The following DDHD1 variants were observed in gnomAD, a reference collection of about 807,000 sequenced individuals.
DDHD1 encodes DDHD domain containing 1.
DDHD1 carries 49 observed loss-of-function variants against 96.4 expected under a neutral mutation model. That is an observed-to-expected ratio of 0.51 (90% CI 0.40 to 0.64). The LOEUF (loss-of-function observed/expected upper bound fraction) is 0.64, where lower values mean the gene tolerates loss of function less well. Ranked by LOEUF, DDHD1 falls within the 30% of genes least tolerant of loss-of-function variation. The pLI is 0.00. For synonymous variants in DDHD1, 442 were observed against 446.5 expected (o/e 0.99, Z 0.13); for missense variants, 1,106 against 1,161.2 (o/e 0.95, Z 0.69).
At chr14:53,071,556 T>A (rs977164996) in intron 6 of DDHD1, among the ~76,000 whole-genome samples, 11 of 152,090 alleles carry the variant, frequency 7.2e-5, no homozygotes, top group Non-Finnish European at 1.6e-4. Flanking sequence ...GTAGACCATA[T>A]TCTTAGTTCA....
At chr14:53,130,261 G>A (rs937307277) in intron 1 of DDHD1, among the ~76,000 whole-genome samples, 1 of 152,144 alleles carries the variant, frequency 6.6e-6, no homozygotes, top group African/African-American at 2.4e-5. Context: ...TCTCAAAGAA[G>A]TGGCTGGTGC....
At chr14:53,079,887 AC>A (rs1325303033) in intron 4 of DDHD1, among the ~76,000 whole-genome samples, 1 of 152,132 alleles carries the variant, frequency 6.6e-6, no homozygotes, top group African/African-American at 2.4e-5. Context: ...TTGGGATAGT[AC>A]CTGGAAGTAG....
At chr14:53,047,119 C>T (rs1882080744) in intron 12 of DDHD1, among the ~76,000 whole-genome samples, 170 bp from the exon 13 acceptor site, 2 of 152,004 alleles carry the variant, frequency 1.3e-5, no homozygotes, top group South Asian at 4.1e-4. Context: ...AAAAGAGCCT[C>T]AGTAGTACAG....
intron 1 of DDHD1, among the ~76,000 whole-genome samples, chr14:53,116,033 T>G (rs1437224740): frequency 1.3e-5 from 2 of 152,076 alleles, no homozygotes; most frequent in Non-Finnish European, 2.9e-5. Context: ...GGAGGAACAT[T>G]TACCAAGCAA....
intron 1 of DDHD1, among the ~76,000 whole-genome samples, chr14:53,110,713 A>C (rs576052222): frequency 6.6e-6 from 1 of 152,234 alleles, no homozygotes; most frequent in East Asian, 1.9e-4. Flanking sequence ...TGGTGGCTCA[A>C]ACCTGTAATC....
intron 9 of DDHD1, among the ~76,000 whole-genome samples, chr14:53,057,283 GTTTAATA>G (rs1273000589): frequency 6.6e-6 from 1 of 152,030 alleles, no homozygotes; most frequent in Non-Finnish European, 1.5e-5. Context: ...ATTTAAAATA[GTTTAATA>G]TTTAGTTAAA....
chr14:53,114,831 G>T (rs546660919), intron 1 of DDHD1, among the ~76,000 whole-genome samples: 3 of 152,070 alleles, frequency 2.0e-5, no homozygotes, highest in Non-Finnish European at 4.4e-5. Flanking sequence ...CCAAATTATC[G>T]CAACTCCTCT....
Position 53,051,846 on chromosome 14 carries a change from AG to A in DDHD1, c.2518del (p.Leu840SerfsTer42). The A allele has an allele frequency of 6.3e-7, 1 of 1,590,996 alleles. No homozygotes were observed. The highest frequency in any genetic ancestry group is 8.6e-7 in the Non-Finnish European group (1 of 1,166,172). ...GCTATTCCTGACATATACCATACCG[AG>A]GGCATTATCTTTATTCTGCATTACA... The part of the protein sequence containing the change: ...ENVMQNKDNA[L>X]VELDHRIDFE... On this transcript the variant is annotated frameshift_variant, in exon 12 of 13. Transcript: ENST00000673822. LOFTEE classifies it high-confidence loss of function.
chr14:53,076,118 C>T (rs903889930), intron 4 of DDHD1, among the ~76,000 whole-genome samples: 3 of 152,090 alleles, frequency 2.0e-5, no homozygotes, highest in Non-Finnish European at 4.4e-5. Context: ...ATTTAAGAAA[C>T]AAATTTTATA....
chr14:53,128,639 G>C (rs1232993799), intron 1 of DDHD1, among the ~76,000 whole-genome samples: 1 of 152,220 alleles, frequency 6.6e-6, no homozygotes, highest in Non-Finnish European at 1.5e-5. Context: ...AAGTGCAACA[G>C]CTGGTTCAGT....
intron 4 of DDHD1, among the ~76,000 whole-genome samples, chr14:53,082,534 G>A (rs1885573673): frequency 6.6e-6 from 1 of 150,862 alleles, no homozygotes; most frequent in Admixed American, 6.6e-5. Context: ...TGAGGTGGGT[G>A]GATCACCTGA....
chr14:53,152,770 C>T lies in DDHD1; in HGVS notation c.329G>A (p.Gly110Asp). Residue 110 changes from glycine to aspartate, a missense_variant, in exon 1 of 13, where the codon GGC (glycine) becomes GAC (aspartate). Coordinates refer to ENST00000673822, the MANE Select transcript of DDHD1 (RefSeq NM_001160148.2). Reference protein sequence around the residue: ...LRYYSEGESGGGGSSLSLHPP... With the variant: ...LRYYSEGESGDGGSSLSLHPP... The stretch of plus-strand genomic sequence containing the variant: ...GTGCAGCGACAAGGAGCTGCCGCCG[C>T]CGCCGCTCTCACCCTCGCTGTAGTA... The T allele has an allele frequency of 6.2e-7, 1 of 1,603,188 alleles. No individual in the cohort carries two copies. The highest frequency in any genetic ancestry group is 8.5e-7 in the Non-Finnish European group (1 of 1,176,020).
intron 2 of DDHD1, among the ~76,000 whole-genome samples, chr14:53,100,287 G>A (rs1887200433): frequency 6.6e-6 from 1 of 151,868 alleles, no homozygotes; most frequent in Admixed American, 6.6e-5. Context: ...ACCAGCCTGG[G>A]CAACATAGTG....
At chr14:53,064,792 CATT>C (rs1883882540) in intron 6 of DDHD1, among the ~76,000 whole-genome samples, 2 of 152,048 alleles carry the variant, frequency 1.3e-5, no homozygotes, top group Non-Finnish European at 2.9e-5. Context: ...TATGGTCAGA[CATT>C]ATGATTTTGA....
intron 1 of DDHD1, 149 bp downstream of exon 1, chr14:53,152,112 C>CGATAA: frequency 4.8e-6 from 4 of 835,482 alleles, no homozygotes; most frequent in Admixed American, 3.2e-5. Context: ...CAGCTGCCGA[C>CGATAA]GCTCCCTGCT....
intron 2 of DDHD1, among the ~76,000 whole-genome samples, chr14:53,097,507 C>A (rs553611938): frequency 1.3e-5 from 2 of 151,904 alleles, no homozygotes; most frequent in Non-Finnish European, 2.9e-5. Flanking sequence ...TGGTCAGTTA[C>A]TGAGGAGCAG....
At chr14:53,114,133 G>A (rs1484422937) in intron 1 of DDHD1, among the ~76,000 whole-genome samples, 4 of 152,174 alleles carry the variant, frequency 2.6e-5, no homozygotes, top group Admixed American at 1.3e-4. Context: ...TCACCACAGC[G>A]GGGCAAAGCG....
chr14:53,059,346 G>A (rs1055764006), intron 8 of DDHD1, among the ~76,000 whole-genome samples: 1 of 151,972 alleles, frequency 6.6e-6, no homozygotes, highest in African/African-American at 2.4e-5. Context: ...CTGGGTTCAC[G>A]CTATTCTCCT....
At chr14:53,060,453 T>G (rs754210030) in intron 8 of DDHD1, among the ~76,000 whole-genome samples, 8 of 152,218 alleles carry the variant, frequency 5.3e-5, no homozygotes, top group Non-Finnish European at 1.0e-4. Flanking sequence ...CTGTATATTA[T>G]AGCTAAACTA....
Sources: gnomAD v4.1 joint callset for allele counts (sites outside exome capture counted in the v4.1 genomes callset) on GRCh38, gnomAD v4.1.1 for gene constraint, MANE v1.5 for transcripts, NCBI Gene and HGNC (gene_info 2026-07-23, HGNC 2026-07-21) for gene names.